Variants in SPON1 observed in about 807,000 individuals in gnomAD.
SPON1 encodes spondin-1.
In SPON1, 52 loss-of-function variants were observed where a neutral mutation model predicts 111.7. The ratio of observed to expected loss-of-function variants is 0.47; its 90% confidence interval spans 0.37 to 0.59. SPON1 has a LOEUF of 0.59. Ranked by LOEUF, SPON1 falls within the 20% of genes least tolerant of loss-of-function variation. SPON1 has a pLI of 0.00. For synonymous variants in SPON1, 410 were observed against 395.8 expected (o/e 1.04, Z -0.43); for missense variants, 957 against 1,068.5 (o/e 0.90, Z 1.46).
chr11:13,975,218 CTT>C (rs782475549), intron 1 of SPON1, among the ~76,000 whole-genome samples: 2 of 152,112 alleles, frequency 1.3e-5, no homozygotes, highest in Non-Finnish European at 2.9e-5. Flanking sequence ...GACGCCATGT[CTT>C]TTTTACTCTG....
intron 6 of SPON1, among the ~76,000 whole-genome samples, chr11:14,168,516 ATTATAC>A (rs1848058305): frequency 6.6e-6 from 1 of 151,732 alleles, no homozygotes; most frequent in African/African-American, 2.4e-5. Flanking sequence ...TTTTATTTTT[ATTATAC>A]TTTAAGTTTT....
chr11:14,098,674 A>AAG (rs373749922), intron 5 of SPON1, among the ~76,000 whole-genome samples: 16 of 147,154 alleles, frequency 1.1e-4, no homozygotes, highest in East Asian at 7.8e-4. Flanking sequence ...GAGGGGTGGG[A>AAG]AGAGAGAGAG....
intron 3 of SPON1, among the ~76,000 whole-genome samples, chr11:14,041,921 A>G (rs1165382533): frequency 6.6e-6 from 1 of 152,146 alleles, no homozygotes; most frequent in Non-Finnish European, 1.5e-5. Context: ...GCTGGTTAAG[A>G]AAAATTACAA....
rs782203038 is a variant in SPON1, at chr11:14,265,678, T to G, written c.2415T>G (p.His805Gln). 5 of 1,613,354 alleles carry G rather than the reference T, an allele frequency of 3.1e-6. No individual in the cohort carries two copies. Among genetic ancestry groups the G allele is most frequent in the Non-Finnish European group, 4.2e-6 (5 of 1,179,716 alleles). The change falls in exon 16 of 16, where the codon CAT (histidine) becomes CAG (glutamine). Residue 805 changes from histidine to glutamine, a missense_variant. Physicochemically the swap from His to Gln is conservative, Grantham distance 24. Coordinates refer to ENST00000576479, the MANE Select transcript of SPON1 (RefSeq NM_006108.4). ...AGGAGATCAGAGCATGCAATGTTCATCCTTGTTAGCAAGGGTACGAGTTCC... is the reference window on the plus strand; with the variant it reads ...AGGAGATCAGAGCATGCAATGTTCAGCCTTGTTAGCAAGGGTACGAGTTCC... ...DKKEIRACNV[H>Q]PC
chr11:14,107,359 G>A (rs1240147066), intron 5 of SPON1, among the ~76,000 whole-genome samples: 4 of 152,082 alleles, frequency 2.6e-5, no homozygotes, highest in African/African-American at 9.7e-5. Context: ...CAGGTTTATT[G>A]GGTCCCTAAG....
At chr11:14,076,243 CTATATT>C (rs1554921435) in intron 4 of SPON1, among the ~76,000 whole-genome samples, 1 of 152,100 alleles carries the variant, frequency 6.6e-6, no homozygotes, top group Non-Finnish European at 1.5e-5. Context: ...AAAAAATGCT[CTATATT>C]TATACAGCAT....
At chr11:14,195,262 T>C (rs1848388524) in intron 6 of SPON1, among the ~76,000 whole-genome samples, 1 of 152,216 alleles carries the variant, frequency 6.6e-6, no homozygotes, top group Admixed American at 6.5e-5. Flanking sequence ...TGCAAAGCCC[T>C]TCATGAAGTC....
chr11:14,038,409 T>C (rs770934651), intron 2 of SPON1, among the ~76,000 whole-genome samples: 1 of 149,996 alleles, frequency 6.7e-6, no homozygotes, highest in Admixed American at 6.6e-5. Context: ...GCAGAGGTTA[T>C]AGTGAGCTGA....
chr11:14,112,606 T>G (rs994113409), intron 5 of SPON1, among the ~76,000 whole-genome samples: 1 of 152,262 alleles, frequency 6.6e-6, no homozygotes, highest in African/African-American at 2.4e-5. Context: ...GTTATATACT[T>G]GGCAGCTATT....
At chr11:13,973,922 G>A (rs1554908858) in intron 1 of SPON1, among the ~76,000 whole-genome samples, 1 of 152,170 alleles carries the variant, frequency 6.6e-6, no homozygotes, top group Non-Finnish European at 1.5e-5. Flanking sequence ...CAGTTTGAGT[G>A]GGAGAAACTT....
intron 1 of SPON1, among the ~76,000 whole-genome samples, chr11:13,979,493 G>A (rs1848128125): frequency 1.3e-5 from 2 of 152,180 alleles, no homozygotes; most frequent in Middle Eastern, 3.2e-3. Context: ...GCTCCCAGGG[G>A]AAACTAGTAA....
intron 3 of SPON1, among the ~76,000 whole-genome samples, chr11:14,046,147 G>A (rs923362945): frequency 8.5e-5 from 13 of 152,176 alleles, no homozygotes; most frequent in African/African-American, 3.1e-4. Context: ...GCTATACAAG[G>A]AGGGCCTGAA....
chr11:14,226,779 T>A (rs1423118216), intron 6 of SPON1, among the ~76,000 whole-genome samples: 1 of 152,204 alleles, frequency 6.6e-6, no homozygotes. Flanking sequence ...CTCTTACAGT[T>A]CTGGAGGTTA....
intron 6 of SPON1, among the ~76,000 whole-genome samples, chr11:14,139,665 T>C (rs1847629793): frequency 6.6e-6 from 1 of 151,304 alleles, no homozygotes; most frequent in Admixed American, 6.6e-5. Flanking sequence ...CTCCTTTCCT[T>C]CATGAGCCTA....
At chr11:14,207,861 C>A (rs113559539) in intron 6 of SPON1, among the ~76,000 whole-genome samples, 4 of 152,130 alleles carry the variant, frequency 2.6e-5, no homozygotes, top group Non-Finnish European at 2.9e-5. Context: ...GGGTATATAC[C>A]CAAAAGAATA....
At chr11:14,239,515 C>T (rs1848901706) in intron 6 of SPON1, among the ~76,000 whole-genome samples, 1 of 152,130 alleles carries the variant, frequency 6.6e-6, no homozygotes, top group South Asian at 2.1e-4. Context: ...CACTTGAGCT[C>T]AGGAGTTTAA....
intron 5 of SPON1, among the ~76,000 whole-genome samples, chr11:14,133,718 C>A (rs1211751939): frequency 6.6e-6 from 1 of 152,178 alleles, no homozygotes; most frequent in African/African-American, 2.4e-5. Flanking sequence ...GCTTTGATGA[C>A]GGCTAGGACT....
At chr11:14,012,186 T>C (rs535849161) in intron 2 of SPON1, among the ~76,000 whole-genome samples, 1 of 152,192 alleles carries the variant, frequency 6.6e-6, no homozygotes, top group Admixed American at 6.5e-5. Flanking sequence ...CTTCCAGAGG[T>C]CTAACACTGA....
At chr11:14,254,026 G>A (rs1591428310) in intron 7 of SPON1, among the ~76,000 whole-genome samples, 1 of 152,348 alleles carries the variant, frequency 6.6e-6, no homozygotes, top group South Asian at 2.1e-4. Context: ...GCAACTGGGG[G>A]TGTCGGCCAA....
Sources: allele counts gnomAD v4.1 joint callset (sites outside exome capture counted in the v4.1 genomes callset), GRCh38; gene constraint gnomAD v4.1.1; transcripts MANE v1.5; gene names NCBI Gene and HGNC (gene_info 2026-07-23, HGNC 2026-07-21).